The following DYM variants were observed in gnomAD, a reference collection of about 807,000 sequenced individuals.
DYM encodes the protein dymeclin, also known as dyggve-Melchior-Clausen syndrome protein.
A neutral mutation model predicts 93.1 loss-of-function variants in DYM; 78 were observed. That is an observed-to-expected ratio of 0.84 (90% confidence interval 0.70 to 1.01). The LOEUF (loss-of-function observed/expected upper bound fraction) is 1.01, where lower values mean the gene tolerates loss of function less well. DYM is among the 50% of genes least tolerant of loss of function. DYM has a pLI of 0.00. For missense variants in DYM, 789 were observed against 845.0 expected (o/e 0.93, Z 0.82); for synonymous variants, 321 against 319.7 (o/e 1.00, Z -0.04).
intron 13 of DYM, among the ~76,000 whole-genome samples, chr18:49,242,375 A>G (rs1689484988): frequency 6.6e-6 from 1 of 152,178 alleles, no homozygotes; most frequent in Non-Finnish European, 1.5e-5. Context: ...AAGTGCCACT[A>G]CACTCCAGCC....
intron 15 of DYM, among the ~76,000 whole-genome samples, chr18:49,156,573 A>C (rs2086467327): frequency 6.6e-6 from 1 of 151,972 alleles, no homozygotes; most frequent in African/African-American, 2.4e-5. Context: ...CTCTACTAAA[A>C]ATACAAATAT....
intron 13 of DYM, among the ~76,000 whole-genome samples, chr18:49,237,722 CCCA>C (rs1164019607): frequency 6.6e-6 from 1 of 152,178 alleles, no homozygotes; most frequent in Non-Finnish European, 1.5e-5. Context: ...TAGCTCTCCT[CCCA>C]CCCCATAACC....
chr18:49,295,162 C>T (rs2060443326), intron 8 of DYM, among the ~76,000 whole-genome samples: 1 of 152,138 alleles, frequency 6.6e-6, no homozygotes, highest in African/African-American at 2.4e-5. Flanking sequence ...TCTTAAAACA[C>T]CCATGCTTTT....
intron 17 of DYM, among the ~76,000 whole-genome samples, chr18:49,057,778 A>T (rs552074023): frequency 6.6e-6 from 1 of 152,388 alleles, no homozygotes; most frequent in African/African-American, 2.4e-5. Flanking sequence ...TCTCCCATTT[A>T]GGCTATGAAT....
chr18:49,065,814 T>C (rs889387225), intron 17 of DYM, among the ~76,000 whole-genome samples: 2 of 152,198 alleles, frequency 1.3e-5, no homozygotes, highest in Non-Finnish European at 2.9e-5. Flanking sequence ...TATCTCTTTC[T>C]AGTCCTTTTA....
At chr18:49,253,916 C>T (rs1243484965) in intron 13 of DYM, among the ~76,000 whole-genome samples, 1 of 152,252 alleles carries the variant, frequency 6.6e-6, no homozygotes, top group East Asian at 1.9e-4. Context: ...CCTTAAGCCC[C>T]TCCACAGTAA....
At chr18:49,311,082 A>G (rs1408441386) in intron 8 of DYM, among the ~76,000 whole-genome samples, 4 of 152,234 alleles carry the variant, frequency 2.6e-5, no homozygotes, top group Admixed American at 2.6e-4. Flanking sequence ...CTGCATTTCA[A>G]TGCTCAAAAG....
intron 11 of DYM, among the ~76,000 whole-genome samples, chr18:49,269,283 T>C (rs1369591746): frequency 2.0e-5 from 3 of 152,098 alleles, no homozygotes; most frequent in Non-Finnish European, 2.9e-5. Context: ...CCAGTGTGGA[T>C]AGTCATTATG....
intron 16 of DYM, among the ~76,000 whole-genome samples, chr18:49,100,626 A>C (rs2080037937): frequency 6.6e-6 from 1 of 152,230 alleles, no homozygotes; most frequent in Non-Finnish European, 1.5e-5. Context: ...GAAAATGATA[A>C]AACAACCACT....
chr18:49,250,482 C>G (rs1309878367), intron 13 of DYM, among the ~76,000 whole-genome samples: 1 of 152,286 alleles, frequency 6.6e-6, no homozygotes, highest in East Asian at 1.9e-4. Context: ...CAGTAACTAG[C>G]CCCTAGGCCA....
At chr18:49,202,679 G>A (rs2145922624) in intron 14 of DYM, among the ~76,000 whole-genome samples, 3 of 104,898 alleles carry the variant, frequency 2.9e-5, no homozygotes, top group South Asian at 4.2e-4. Flanking sequence ...CCTCTGCCCG[G>A]CCGAGACCCC....
intron 14 of DYM, among the ~76,000 whole-genome samples, chr18:49,167,379 T>C (rs921001263): frequency 3.3e-5 from 5 of 152,132 alleles, no homozygotes; most frequent in Non-Finnish European, 7.4e-5. Context: ...CTAGCTATCT[T>C]TAAGAAATTC....
chr18:49,241,482 T>G (rs2094008323), intron 13 of DYM, among the ~76,000 whole-genome samples: 1 of 152,198 alleles, frequency 6.6e-6, no homozygotes, highest in Admixed American at 6.5e-5. Context: ...TAACACTGAC[T>G]AGCAATATGA....
chr18:49,286,660 G>A (rs2059686300), intron 8 of DYM, 44 bp from the exon 9 acceptor site: 1 of 1,570,640 alleles, frequency 6.4e-7, no homozygotes, highest in Non-Finnish European at 8.7e-7. Flanking sequence ...CCACCAATGA[G>A]ATGAATGTAT....
chr18:49,144,774 T>A (rs1414807754), intron 15 of DYM, among the ~76,000 whole-genome samples: 1 of 151,984 alleles, frequency 6.6e-6, no homozygotes, highest in African/African-American at 2.4e-5. Context: ...CTATTTTAAA[T>A]CTGCATATAA....
intron 6 of DYM, among the ~76,000 whole-genome samples, chr18:49,338,147 A>G (rs1032681215): frequency 2.6e-5 from 4 of 152,250 alleles, no homozygotes; most frequent in African/African-American, 9.6e-5. Context: ...AAAGATAAAT[A>G]GCATTTCTCC....
intron 14 of DYM, among the ~76,000 whole-genome samples, chr18:49,178,415 A>C (rs1177906293): frequency 6.6e-6 from 1 of 152,196 alleles, no homozygotes; most frequent in Non-Finnish European, 1.5e-5. Flanking sequence ...AAATGTGTGT[A>C]AGGTCTTTAC....
chr18:49,262,480 A>T (rs1174270303), intron 11 of DYM, among the ~76,000 whole-genome samples: 1 of 152,210 alleles, frequency 6.6e-6, no homozygotes, highest in Non-Finnish European at 1.5e-5. Flanking sequence ...GGTCAGTTAC[A>T]GTAGCTCTAA....
chr18:49,213,444 T>C (rs1475275641), intron 13 of DYM, among the ~76,000 whole-genome samples: 1 of 152,136 alleles, frequency 6.6e-6, no homozygotes, highest in Non-Finnish European at 1.5e-5. Context: ...GCCTCCTGAA[T>C]AGCTGGGACT....
Sources: gnomAD v4.1 joint callset for allele counts (sites outside exome capture counted in the v4.1 genomes callset) on GRCh38, gnomAD v4.1.1 for gene constraint, MANE v1.5 for transcripts, NCBI Gene and HGNC (gene_info 2026-07-23, HGNC 2026-07-21) for gene names.